The following UBXN7 variants were observed in gnomAD, a reference collection of about 807,000 sequenced individuals.
UBXN7 encodes the protein UBX domain-containing protein 7.
In UBXN7, 9 loss-of-function variants were observed where a neutral mutation model predicts 58.0. The observed-to-expected ratio is 0.16, with a 90% CI of 0.09 to 0.27. UBXN7 has a LOEUF of 0.27. Among genes scored for constraint, UBXN7 ranks in the 10% least tolerant of loss-of-function variants. UBXN7 has a pLI of 1.00. For synonymous variants in UBXN7, 208 were observed against 205.0 expected (o/e 1.01, Z -0.12); for missense variants, 328 against 599.6 (o/e 0.55, Z 4.73).
chr3:196,430,146 G>C (rs1029008355), intron 1 of UBXN7, among the ~76,000 whole-genome samples: 3 of 151,932 alleles, frequency 2.0e-5, no homozygotes, highest in Non-Finnish European at 4.4e-5. Flanking sequence ...TTTGAGGACA[G>C]GAGTTCAAGA....
chr3:196,428,261 G>A (rs905784146), intron 1 of UBXN7, among the ~76,000 whole-genome samples: 4 of 151,996 alleles, frequency 2.6e-5, no homozygotes, highest in African/African-American at 9.7e-5. Flanking sequence ...ATGCAAAAAA[G>A]GTTTGTAGCA....
At chr3:196,373,059 T>C (rs572967612) in intron 5 of UBXN7, among the ~76,000 whole-genome samples, 20 of 152,320 alleles carry the variant, frequency 1.3e-4, no homozygotes, top group Middle Eastern at 3.4e-3. Flanking sequence ...CCAATTATAC[T>C]TCTTTTTAAT....
intron 2 of UBXN7, 21 bp downstream of exon 2, chr3:196,407,225 C>T (rs1199630528): frequency 6.2e-7 from 1 of 1,611,718 alleles, no homozygotes; most frequent in African/African-American, 1.3e-5. Flanking sequence ...TAGCTCCTGA[C>T]AACACATAAT....
intron 1 of UBXN7, among the ~76,000 whole-genome samples, chr3:196,413,450 G>C (rs1231281870): frequency 3.3e-5 from 5 of 152,124 alleles, no homozygotes; most frequent in African/African-American, 7.2e-5. Context: ...CTTTCATTTG[G>C]GGTCTGCCTT....
Position 196,417,116 on chromosome 3 carries a change from A to G in UBXN7, c.74-9723T>C, listed in dbSNP as rs929910205. Among the ~76,000 whole-genome samples, 4 of 152,268 alleles carry G rather than the reference A, an allele frequency of 2.6e-5. No homozygotes were observed. In the East Asian group the frequency reaches 5.8e-4, roughly 22 times the overall value. On this transcript the variant is annotated intron_variant, in intron 1 of 10. Coordinates refer to ENST00000296328, the MANE Select transcript of UBXN7 (RefSeq NM_015562.2). ...ATCACAAGGTCAGGAGATCGAGACC[A>G]TCCTGGCTAACACGGTGAAACCCCG... is the stretch of plus-strand genomic sequence containing the variant.
chr3:196,404,566 G>A (rs905960056), intron 2 of UBXN7, among the ~76,000 whole-genome samples: 2 of 152,036 alleles, frequency 1.3e-5, no homozygotes, highest in Admixed American at 1.3e-4. Flanking sequence ...CCGGCCAATG[G>A]TTTTCATTCA....
At chr3:196,397,344 T>C (rs1729807896) in intron 3 of UBXN7, among the ~76,000 whole-genome samples, 1 of 152,224 alleles carries the variant, frequency 6.6e-6, no homozygotes, top group Non-Finnish European at 1.5e-5. Context: ...TGTCCACATA[T>C]CTGTTCGTAT....
intron 5 of UBXN7, among the ~76,000 whole-genome samples, chr3:196,391,509 T>G (rs908075888): frequency 1.3e-5 from 2 of 151,986 alleles, no homozygotes; most frequent in African/African-American, 4.8e-5. Context: ...GGCAAGAGGA[T>G]TGCTTGAACC....
At chr3:196,404,902 C>T (rs1229225475) in intron 2 of UBXN7, among the ~76,000 whole-genome samples, 1 of 152,156 alleles carries the variant, frequency 6.6e-6, no homozygotes, top group East Asian at 1.9e-4. Flanking sequence ...ACCTGCAATC[C>T]TAGCATTTTG....
rs1322758814 is a variant in UBXN7 at position 196,362,307 on chromosome 3, C to G, written c.1215G>C (p.Gly405=). The G allele has an allele frequency of 1.2e-6, 2 of 1,604,334 alleles. No individual in the cohort carries two copies. Among genetic ancestry groups the G allele is most frequent in the African/African-American group, 1.3e-5 (1 of 74,326 alleles). The part of the protein sequence containing the change: ...PPEKADGVVE[G]IDVNGPKAQL... ...AATGTAACTTACCATTTACATCTAT[C>G]CCCTCCACTACTCCATCTGCTTTTT... is the stretch of plus-strand genomic sequence containing the variant. Residue 405 remains glycine, a synonymous_variant, in exon 9 of 11, where the codon GGG becomes GGC. Coordinates refer to ENST00000296328, the MANE Select transcript of UBXN7 (RefSeq NM_015562.2).
chr3:196,411,263 T>TG (rs1470237632), intron 1 of UBXN7, among the ~76,000 whole-genome samples: 1 of 152,226 alleles, frequency 6.6e-6, no homozygotes, highest in East Asian at 1.9e-4. Flanking sequence ...ATGTGATCAA[T>TG]GTCTGATAAA....
At chr3:196,432,065 C>G (rs1388680673) in intron 1 of UBXN7, 2 of 603,034 alleles carry the variant, frequency 3.3e-6, no homozygotes, top group Non-Finnish European at 6.0e-6. Context: ...GGCCCATTCC[C>G]AGGTCTGGGC....
intron 5 of UBXN7, among the ~76,000 whole-genome samples, chr3:196,384,079 A>C (rs1729297816): frequency 6.6e-6 from 1 of 152,216 alleles, no homozygotes; most frequent in South Asian, 2.1e-4. Context: ...GAAAAGAGAG[A>C]AGAATCAAAT....
intron 10 of UBXN7, among the ~76,000 whole-genome samples, chr3:196,358,128 T>C (rs1443043801): frequency 6.6e-6 from 1 of 152,104 alleles, no homozygotes; most frequent in African/African-American, 2.4e-5. Flanking sequence ...AGCGTCACCA[T>C]GATGAACCAC....
intron 1 of UBXN7, among the ~76,000 whole-genome samples, chr3:196,410,142 G>A (rs1730280873): frequency 6.6e-6 from 1 of 152,024 alleles, no homozygotes; most frequent in Non-Finnish European, 1.5e-5. Context: ...GTTTCACCAT[G>A]TTGGCCAGGC....
chr3:196,403,618 C>A (rs546074731), intron 2 of UBXN7, among the ~76,000 whole-genome samples: 3 of 152,010 alleles, frequency 2.0e-5, no homozygotes, highest in African/African-American at 7.2e-5. Flanking sequence ...AATTTTCCCC[C>A]AAAAAATCAG....
Position 196,362,766 on chromosome 3 carries a change from TA to T in UBXN7, c.835-80del. ...AAGTCAAACGGCATAAGAAATATAA[TA>T]GCTTGCCATTCATTATTATGTTCTG... is the stretch of plus-strand genomic sequence containing the variant. On this transcript the variant is annotated intron_variant, in intron 8 of 10. Transcript: ENST00000296328. The T allele has an allele frequency of 3.4e-6, 5 of 1,484,462 alleles. No individual in the cohort carries two copies. In the South Asian group the frequency reaches 6.7e-5, roughly 20 times the overall value. 92.0% of individuals were successfully genotyped at this position (1,484,462 alleles called of 1,614,324 possible). A position where few individuals can be genotyped will look rare whatever the true frequency, so the allele number is the denominator to read the frequency against.
chr3:196,370,959 G>A (rs1379575837), intron 6 of UBXN7, among the ~76,000 whole-genome samples: 2 of 152,122 alleles, frequency 1.3e-5, no homozygotes, highest in East Asian at 1.9e-4. Flanking sequence ...AGCCCAGGAG[G>A]TCAAGGCTGA....
At chr3:196,364,151 C>G (rs1327451907) in intron 8 of UBXN7, among the ~76,000 whole-genome samples, 1 of 152,118 alleles carries the variant, frequency 6.6e-6, no homozygotes, top group Non-Finnish European at 1.5e-5. Flanking sequence ...CAAACTTCTA[C>G]AGTTTTTCCC....
Sources: gnomAD v4.1 joint callset for allele counts (sites outside exome capture counted in the v4.1 genomes callset) on GRCh38, gnomAD v4.1.1 for gene constraint, MANE v1.5 for transcripts, NCBI Gene and HGNC (gene_info 2026-07-23, HGNC 2026-07-21) for gene names.